Variants in FGF12 observed in about 807,000 individuals in gnomAD.
FGF12 encodes fibroblast growth factor 12B.
A neutral mutation model predicts 23.6 loss-of-function variants in FGF12; 14 were observed. That is an observed-to-expected ratio of 0.59 (90% CI 0.39 to 0.93). FGF12 has a LOEUF of 0.93. FGF12 is among the 40% of genes least tolerant of loss of function. FGF12 has a pLI of 0.00. For missense variants in FGF12, 175 were observed against 217.8 expected, an observed-to-expected ratio of 0.80 and a Z score of 1.24; for synonymous variants, 62 against 77.3, an observed-to-expected ratio of 0.80 and a Z score of 1.04.
intron 2 of FGF12, among the ~76,000 whole-genome samples, chr3:192,431,770 T>C (rs1721867005): frequency 6.6e-6 from 1 of 152,198 alleles, no homozygotes; most frequent in Non-Finnish European, 1.5e-5. Context: ...GTTGAAATAC[T>C]AAACTCAACA....
intron 4 of FGF12, among the ~76,000 whole-genome samples, chr3:192,274,946 G>C (rs1713686731): frequency 6.6e-6 from 1 of 151,960 alleles, no homozygotes; most frequent in African/African-American, 2.4e-5. Flanking sequence ...TCCTTCAACT[G>C]TTTTCAAAGG....
intron 2 of FGF12, among the ~76,000 whole-genome samples, chr3:192,665,127 A>G (rs887457568): frequency 1.3e-5 from 2 of 152,222 alleles, no homozygotes; most frequent in East Asian, 3.8e-4. Context: ...ATTGAAATAC[A>G]GGTAGTTACA....
rs532522064 is a variant in FGF12 at position 192,345,686 on chromosome 3, C to CAA, written c.125-10224_125-10223dup. ...TGGGCGACAGAGCGAGACTCCGTCT[C>CAA]AAAAAAAAAAAAAAAAAAGATATAA... is the stretch of plus-strand genomic sequence containing the variant. On this transcript the variant is annotated intron_variant, in intron 3 of 5. Coordinates refer to ENST00000445105, the MANE Select transcript of FGF12 (RefSeq NM_004113.6). Among the ~76,000 whole-genome samples the CAA allele has an allele frequency of 2.0e-3, 65 of 32,564 alleles. 8 individuals are homozygous for CAA. The highest frequency in any genetic ancestry group is 4.2e-3 in the South Asian group (4 of 962). The allele number at this position is 32,564 out of a possible 152,430, so 21.4% of individuals were successfully genotyped here. A position where few individuals can be genotyped will look rare whatever the true frequency, so the allele number is the denominator to read the frequency against.
chr3:192,519,345 A>G (rs1349810999), intron 2 of FGF12, among the ~76,000 whole-genome samples: 1 of 152,186 alleles, frequency 6.6e-6, no homozygotes, highest in African/African-American at 2.4e-5. Flanking sequence ...AATGTCTTTC[A>G]ATTTGGATTT....
At chr3:192,479,258 C>T (rs1445018531) in intron 2 of FGF12, among the ~76,000 whole-genome samples, 3 of 152,150 alleles carry the variant, frequency 2.0e-5, no homozygotes, top group Non-Finnish European at 4.4e-5. Flanking sequence ...TAGAGTCTAA[C>T]ACCATCATCC....
chr3:192,461,390 C>T (rs959329160), intron 2 of FGF12, among the ~76,000 whole-genome samples: 1 of 152,124 alleles, frequency 6.6e-6, no homozygotes, highest in Non-Finnish European at 1.5e-5. Flanking sequence ...ATGGTGAGCA[C>T]TATAGAACAT....
chr3:192,623,026 G>A (rs2062830), intron 2 of FGF12, among the ~76,000 whole-genome samples: 117,076 of 152,170 alleles, frequency 0.77, 45,934 homozygotes, highest in African/African-American at 0.94. Context: ...CTCTGTTTAC[G>A]TTGGGATAAT....
At chr3:192,476,120 G>T (rs553343085) in intron 2 of FGF12, among the ~76,000 whole-genome samples, 1 of 152,162 alleles carries the variant, frequency 6.6e-6, no homozygotes, top group South Asian at 2.1e-4. Flanking sequence ...ACACCCGAAA[G>T]ACTTTCCATA....
intron 4 of FGF12, among the ~76,000 whole-genome samples, chr3:192,312,326 C>T (rs942578827): frequency 6.6e-6 from 1 of 151,196 alleles, no homozygotes; most frequent in African/African-American, 2.4e-5. Context: ...GGCTCTAATC[C>T]ATTTTGGGTT....
intron 2 of FGF12, among the ~76,000 whole-genome samples, chr3:192,455,020 A>G (rs114979924): frequency 0.01 from 1,578 of 152,290 alleles, 22 homozygotes; most frequent in African/African-American, 0.037. Context: ...AACTCCCCCA[A>G]TTCTCAATGT....
chr3:192,210,495 A>G (rs1425801624), intron 4 of FGF12, among the ~76,000 whole-genome samples: 2 of 152,214 alleles, frequency 1.3e-5, no homozygotes, highest in African/African-American at 4.8e-5. Context: ...GAGCTCTAAG[A>G]AGGGTATAAC....
intron 3 of FGF12, among the ~76,000 whole-genome samples, chr3:192,342,394 A>ATG (rs1560077735): frequency 6.6e-6 from 1 of 152,216 alleles, no homozygotes; most frequent in Non-Finnish European, 1.5e-5. Flanking sequence ...GGGTAGGAGT[A>ATG]TGTGTGTGTG....
At chr3:192,711,655 C>T (rs1410220491) in intron 2 of FGF12, among the ~76,000 whole-genome samples, 3 of 152,098 alleles carry the variant, frequency 2.0e-5, no homozygotes, top group African/African-American at 7.2e-5. Context: ...CCCCCCAACC[C>T]GGTGCTCTCT....
chr3:192,226,965 G>A (rs1246283058), intron 4 of FGF12, among the ~76,000 whole-genome samples: 1 of 151,958 alleles, frequency 6.6e-6, no homozygotes, highest in African/African-American at 2.4e-5. Flanking sequence ...TTTCTCAAAG[G>A]AGCTTGTTTG....
intron 2 of FGF12, among the ~76,000 whole-genome samples, chr3:192,584,275 G>A (rs368196169): frequency 8.9e-5 from 13 of 146,798 alleles, no homozygotes; most frequent in South Asian, 2.3e-4. Context: ...AGCCATAGCC[G>A]TTTTCTTTGT....
At chr3:192,161,504 T>TCACACA (rs1714875052) in intron 5 of FGF12, among the ~76,000 whole-genome samples, 1 of 53,128 alleles carries the variant, frequency 1.9e-5, no homozygotes, top group Non-Finnish European at 3.9e-5. Flanking sequence ...CAACGCCTAT[T>TCACACA]TACACACACA....
rs796236664 is a variant in FGF12, at chr3:192,174,742, T to TA, written c.229-4087dup. ...AGAAATCAGAGCCCTACACGTGGAG[T>TA]AAAAAAAAAAAAAAAATCAGGGTTT... On this transcript the variant is annotated intron_variant, in intron 4 of 5. Transcript: ENST00000445105. Among the ~76,000 whole-genome samples the TA allele has an allele frequency of 5.2e-3, 696 of 132,712 alleles. 19 individuals are homozygous for TA. The East Asian group carries it at 0.063, about 12-fold the overall frequency. The allele number at this position is 132,712 out of a possible 152,430, so 87.1% of individuals were successfully genotyped here. A position where few individuals can be genotyped will look rare whatever the true frequency, so the allele number is the denominator to read the frequency against.
In FGF12 at chr3:192,616,708, G is replaced by T. The variant is rs141482806; in HGVS notation, c.13+110473C>A. On this transcript the variant is annotated intron_variant, in intron 2 of 5. Transcript: ENST00000445105. The stretch of plus-strand genomic sequence containing the variant: ...AAGAGAGTTCTTTTCCAGCTTGGTT[G>T]CATGTGGAAATCTTCTACGGCATTA... Among the ~76,000 whole-genome samples the T allele has an allele frequency of 2.6e-5, 4 of 152,072 alleles. No homozygotes were observed. The East Asian group carries it at 7.8e-4, about 30-fold the overall frequency.
intron 5 of FGF12, among the ~76,000 whole-genome samples, chr3:192,154,966 A>G (rs566730442): frequency 7.6e-6 from 1 of 131,506 alleles, no homozygotes; most frequent in African/African-American, 2.8e-5. Context: ...AATCAGCGAG[A>G]TTCCGTGGGC....
Sources: gnomAD v4.1 joint callset for allele counts (sites outside exome capture counted in the v4.1 genomes callset) on GRCh38, gnomAD v4.1.1 for gene constraint, MANE v1.5 for transcripts, NCBI Gene and HGNC (gene_info 2026-07-23, HGNC 2026-07-21) for gene names.